TRIP12: variants seen among roughly 807,000 people sequenced by gnomAD.
TRIP12 encodes thyroid hormone receptor interactor 12.
In TRIP12, 25 loss-of-function variants were observed where a neutral mutation model predicts 244.2. The observed-to-expected ratio is 0.10, with a 90% CI of 0.07 to 0.14. The LOEUF (loss-of-function observed/expected upper bound fraction) is 0.14, where lower values mean the gene tolerates loss of function less well. Among genes scored for constraint, TRIP12 ranks in the 10% least tolerant of loss-of-function variants. TRIP12 has a pLI of 1.00. For synonymous variants in TRIP12, 905 were observed against 873.1 expected (o/e 1.04, Z -0.64); for missense variants, 1,677 against 2,486.4 (o/e 0.67, Z 6.92).
Position 229,778,686 on chromosome 2 carries a change from T to A in TRIP12, c.5210-99A>T. ...TTTAAGAAATTAAGCATTCTCAAAATTGGAGTGCAGATCACTGAATGAAGT... is the reference window on the plus strand; with the variant it reads ...TTTAAGAAATTAAGCATTCTCAAAAATGGAGTGCAGATCACTGAATGAAGT... On this transcript the variant is annotated intron_variant, in intron 35 of 41. Coordinates refer to ENST00000675903, the MANE Select transcript of TRIP12 (RefSeq NM_001348323.3). The surrounding 1 kb of genome is among the most constrained non-coding windows in gnomAD (Gnocchi z 4.1). 1 of 1,511,444 alleles carries A rather than the reference T, an allele frequency of 6.6e-7. No individual in the cohort carries two copies. The highest frequency in any genetic ancestry group is 8.9e-7 in the Non-Finnish European group (1 of 1,120,686). The allele number at this position is 1,511,444 out of a possible 1,614,324, so 93.6% of individuals were successfully genotyped here.
intron 1 of TRIP12, among the ~76,000 whole-genome samples, chr2:229,912,453 C>G (rs906310130): frequency 2.0e-5 from 3 of 152,070 alleles, no homozygotes; most frequent in African/African-American, 7.2e-5. Context: ...TAATCTCAGC[C>G]CAATTTCCTG....
intron 6 of TRIP12, among the ~76,000 whole-genome samples, chr2:229,836,471 C>G (rs1200494117): frequency 1.3e-5 from 2 of 152,122 alleles, no homozygotes; most frequent in Non-Finnish European, 2.9e-5. Context: ...AAACTGAATA[C>G]TTGTATTTTA....
chr2:229,769,475 A>T, intron 39 of TRIP12, 150 bp from the exon 40 acceptor site: 1 of 397,744 alleles, frequency 2.5e-6, no homozygotes. Context: ...AAAAAATAAT[A>T]ATAAAATAAA....
intron 2 of TRIP12, among the ~76,000 whole-genome samples, chr2:229,872,113 A>G (rs526815): frequency 0.26 from 22,643 of 86,728 alleles, 1,155 homozygotes; most frequent in East Asian, 0.37. Context: ...GTAAAAAAAA[A>G]AAAAAAAAAA....
chr2:229,884,403 A>C (rs2065563075), intron 1 of TRIP12, among the ~76,000 whole-genome samples: 1 of 151,546 alleles, frequency 6.6e-6, no homozygotes, highest in Non-Finnish European at 1.5e-5. Context: ...TACCCGGCTA[A>C]TTTTTGTATT....
At chr2:229,795,009 A>C in intron 26 of TRIP12, 170 bp downstream of exon 26, 1 of 642,264 alleles carries the variant, frequency 1.6e-6, no homozygotes, top group South Asian at 2.8e-5. Context: ...TATAATTTTA[A>C]AGATAAGAAA....
Position 229,793,065 on chromosome 2 carries a change from T to G in TRIP12, c.4049A>C (p.Asp1350Ala). Residue 1350 changes from aspartate to alanine, a missense_variant, in exon 27 of 42, where the codon GAC (aspartate) becomes GCC (alanine). Around this residue, in one of 11 missense-constraint regions of TRIP12, gnomAD observed 265 missense variants for 370.8 expected, o/e 0.71. Transcript: ENST00000675903. The part of the protein sequence containing the change: ...QLKCQLQRHP[D>A]CANVKQWKGG... ...CTTCCACTGCTTCACATTTGCACAG[T>G]CTGGATGCCTTTGTAACTGGCATTT... 6.2e-7 allele frequency: 1 copy of G among 1,613,972 alleles called. No individual in the cohort carries two copies. Among genetic ancestry groups the G allele is most frequent in the Non-Finnish European group, 8.5e-7 (1 of 1,179,932 alleles).
chr2:229,817,081 A>G (rs2048689139), intron 9 of TRIP12, among the ~76,000 whole-genome samples: 2 of 152,206 alleles, frequency 1.3e-5, no homozygotes, highest in African/African-American at 4.8e-5. Context: ...AGCCATCCAA[A>G]TAAGAACAAG....
At chr2:229,846,061 A>G (rs2057525153) in intron 4 of TRIP12, among the ~76,000 whole-genome samples, 2 of 150,624 alleles carry the variant, frequency 1.3e-5, no homozygotes, top group African/African-American at 2.4e-5. Context: ...TTTTGTCTTG[A>G]GATGGAATTT....
At chr2:229,772,256 T>C (rs950467931) in intron 38 of TRIP12, among the ~76,000 whole-genome samples, 1 of 152,190 alleles carries the variant, frequency 6.6e-6, no homozygotes, top group African/African-American at 2.4e-5. Context: ...AATGAAAACA[T>C]TAGGATTTTC....
rs1559427877 is a variant in TRIP12 at position 229,791,882 on chromosome 2, T to C, written c.4399A>G (p.Lys1467Glu). The change falls in exon 29 of 42, where the codon AAG becomes GAG. Residue 1467 changes from lysine to glutamate, a missense_variant. Physicochemically the swap from Lys to Glu is moderately conservative, Grantham distance 56. Transcript: ENST00000675903. The part of the protein sequence containing the change: ...NPLGRAGIWT[K>E]THTIWYKPVR... ...CAGACTTGCCATATTGTATGAGTCT[T>C]TGTCCAAATACCAGCTCTGCCTAGA... 1.2e-6 allele frequency: 2 copies of C among 1,613,862 alleles called. No individual in the cohort carries two copies. Among genetic ancestry groups the C allele is most frequent in the South Asian group, 1.1e-5 (1 of 91,050 alleles).
intron 30 of TRIP12, among the ~76,000 whole-genome samples, chr2:229,790,752 T>C (rs1363915356): frequency 1.3e-5 from 2 of 152,210 alleles, no homozygotes; most frequent in East Asian, 3.8e-4. Context: ...ATAATTGTAC[T>C]ACTGTCATGG....
chr2:229,815,039 G>C, intron 11 of TRIP12, 60 bp downstream of exon 11: 2 of 1,277,200 alleles, frequency 1.6e-6, no homozygotes, highest in South Asian at 1.4e-5. Context: ...TAAAATTCAA[G>C]AGTTTGAAAC....
intron 2 of TRIP12, among the ~76,000 whole-genome samples, chr2:229,867,135 G>A (rs1425527859): frequency 6.9e-6 from 1 of 145,358 alleles, no homozygotes; most frequent in Non-Finnish European, 1.5e-5. Flanking sequence ...GTAGGCTATG[G>A]TCAGACAGGG....
intron 2 of TRIP12, among the ~76,000 whole-genome samples, chr2:229,876,127 A>G (rs1022442476): frequency 3.3e-5 from 5 of 152,088 alleles, no homozygotes; most frequent in African/African-American, 1.2e-4. Context: ...TACAAAAATT[A>G]GCCAGGTGTG....
intron 38 of TRIP12, among the ~76,000 whole-genome samples, chr2:229,772,046 G>A (rs2034536333): frequency 6.6e-6 from 1 of 152,194 alleles, no homozygotes; most frequent in South Asian, 2.1e-4. Flanking sequence ...AACGTAAAAT[G>A]TTTAGTTCTA....
intron 1 of TRIP12, among the ~76,000 whole-genome samples, chr2:229,898,306 TCA>T (rs1424025465): frequency 6.6e-6 from 1 of 152,232 alleles, no homozygotes; most frequent in Non-Finnish European, 1.5e-5. Flanking sequence ...CTTGACTCAT[TCA>T]GAGATTTCCC....
At chr2:229,876,766 C>T (rs1405373721) in intron 2 of TRIP12, among the ~76,000 whole-genome samples, 4 of 152,192 alleles carry the variant, frequency 2.6e-5, no homozygotes, top group Non-Finnish European at 1.5e-5. Flanking sequence ...TCGGCTCAAG[C>T]GATCCTCCCA....
intron 2 of TRIP12, among the ~76,000 whole-genome samples, chr2:229,874,459 T>C (rs908070228): frequency 1.3e-5 from 2 of 152,128 alleles, no homozygotes; most frequent in Admixed American, 6.5e-5. Flanking sequence ...TCAAATATGA[T>C]AGGCATAAGC....
Sources: gnomAD v4.1 joint callset for allele counts (sites outside exome capture counted in the v4.1 genomes callset) on GRCh38, gnomAD v4.1.1 for gene constraint, gnomAD v4.1.1 regional missense constraint, Gnocchi (gnomAD v3.1) non-coding constraint, MANE v1.5 for transcripts, NCBI Gene and HGNC (gene_info 2026-07-23, HGNC 2026-07-21) for gene names.